The following TNFRSF10A variants were observed in gnomAD, a reference collection of about 807,000 sequenced individuals.
TNFRSF10A encodes the protein TNF receptor superfamily member 10a.
Under a neutral mutation model 42.8 loss-of-function variants are expected in TNFRSF10A, and 44 were observed. That is an observed-to-expected ratio of 1.03 (90% CI 0.81 to 1.32). The LOEUF (loss-of-function observed/expected upper bound fraction) is 1.32, where lower values mean the gene tolerates loss of function less well. TNFRSF10A is among the 40% of genes most tolerant of loss of function. TNFRSF10A has a pLI of 0.00. For missense variants in TNFRSF10A, 680 were observed against 602.0 expected (o/e 1.13, Z -1.36); for synonymous variants, 259 against 234.2 (o/e 1.11, Z -0.97).
At chr8:23,213,979 A>G (rs1388641942) in intron 1 of TNFRSF10A, among the ~76,000 whole-genome samples, 1 of 151,864 alleles carries the variant, frequency 6.6e-6, no homozygotes, top group Non-Finnish European at 1.5e-5. Flanking sequence ...TTACATGGAT[A>G]AGTTCTTTAG....
In TNFRSF10A at chr8:23,191,760, G is replaced by A; in HGVS notation, c.1341C>T (p.Leu447=). The A allele has an allele frequency of 7.4e-6, 12 of 1,614,180 alleles. No homozygotes were observed. Among genetic ancestry groups the A allele is most frequent in the Non-Finnish European group, 1.0e-5 (12 of 1,180,040 alleles). ...ERHAREKIQD[L]LVDSGKFIYL... ...AGATGAACTTTCCAGAGTCCACCAAGAGGTCCTGAATCTTCTCTCTTGCAT... is the reference window on the plus strand; with the variant it reads ...AGATGAACTTTCCAGAGTCCACCAAAAGGTCCTGAATCTTCTCTCTTGCAT... The change falls in exon 10 of 10, where the codon CTC becomes CTT. Residue 447 remains leucine (L), a synonymous_variant. Coordinates refer to ENST00000221132, the MANE Select transcript of TNFRSF10A (RefSeq NM_003844.4).
At chr8:23,201,316 G>A (rs1356798079) in intron 4 of TNFRSF10A, among the ~76,000 whole-genome samples, 1 of 152,164 alleles carries the variant, frequency 6.6e-6, no homozygotes, top group Non-Finnish European at 1.5e-5. Flanking sequence ...ATGGGAACTT[G>A]AAGGAGCTCC....
In TNFRSF10A at chr8:23,224,752, T is replaced by C; in HGVS notation, c.306+4A>G. 1.3e-6 allele frequency: 2 copies of C among 1,562,102 alleles called. No individual in the cohort carries two copies. Among genetic ancestry groups the C allele is most frequent in the South Asian group, 2.4e-5 (2 of 85,000 alleles). On this transcript the variant is annotated splice_donor_region_variant and intron_variant, in intron 1 of 9. Transcript: ENST00000221132. The stretch of plus-strand genomic sequence containing the variant: ...CCCCAGGCAGGACCGCGGTGGGGAC[T>C]CACCTGCAGCAGGACCCCGACGACG...
At position 23,190,539 on chromosome 8, in the gene TNFRSF10A, TATATA is replaced by T. The variant is rs1800741608; in HGVS notation, c.*1150_*1154del. 6.6e-6 allele frequency: 1 copy of T among 152,226 alleles called. No homozygotes were observed. Among genetic ancestry groups the T allele is most frequent in the South Asian group, 2.1e-4 (1 of 4,832 alleles). 9.4% of individuals were successfully genotyped at this position (152,226 alleles called of 1,614,324 possible). The stretch of plus-strand genomic sequence containing the variant: ...TGCCCCCGCCAAAAAAAAGTACTTT[TATATA>T]CAAAAGTCCAAATTTCCAAAGGTAT... On this transcript the variant is annotated 3_prime_UTR_variant, in exon 10 of 10. Transcript: ENST00000221132.
intron 8 of TNFRSF10A, 88 bp from the exon 9 acceptor site, chr8:23,197,292 T>C: frequency 6.7e-7 from 1 of 1,490,582 alleles, no homozygotes; most frequent in Non-Finnish European, 9.4e-7. Context: ...CCCGGAAACC[T>C]GCAGCACATC....
intron 9 of TNFRSF10A, among the ~76,000 whole-genome samples, chr8:23,195,345 C>A (rs577903541): frequency 6.6e-5 from 10 of 152,096 alleles, no homozygotes; most frequent in East Asian, 5.8e-4. Context: ...GAACTTTTTT[C>A]TTCTTTGCTA....
chr8:23,224,299 C>T (rs1238858530), intron 1 of TNFRSF10A: 15 of 101,608 alleles, frequency 1.5e-4, no homozygotes, highest in Non-Finnish European at 1.8e-4. Context: ...GACTCCGTTT[C>T]AAAAAAAAAA....
Position 23,223,461 on chromosome 8 carries a change from C to A in TNFRSF10A, c.306+1295G>T, listed in dbSNP as rs183236954. On this transcript the variant is annotated intron_variant, in intron 1 of 9. Transcript: ENST00000221132. ...TTGTCTATACAGGTGAGCCCTACAT[C>A]CACCTGGAATCGCACTAGCCTGTCA... Among the ~76,000 whole-genome samples the A allele has an allele frequency of 1.5e-3, 234 of 152,330 alleles. 1 individual carries two copies. Among genetic ancestry groups the A allele is most frequent in the African/African-American group, 5.4e-3 (226 of 41,574 alleles).
intron 9 of TNFRSF10A, among the ~76,000 whole-genome samples, chr8:23,195,640 T>G (rs1160228418): frequency 6.6e-6 from 1 of 152,242 alleles, no homozygotes; most frequent in Non-Finnish European, 1.5e-5. Context: ...TGATTTTTGC[T>G]GCACTTTGTG....
At chr8:23,217,207 T>C (rs1361121982) in intron 1 of TNFRSF10A, among the ~76,000 whole-genome samples, 3 of 152,112 alleles carry the variant, frequency 2.0e-5, no homozygotes, top group Non-Finnish European at 4.4e-5. Flanking sequence ...TTATGCCTTC[T>C]GATGAATTCA....
At chr8:23,200,635 C>T in intron 5 of TNFRSF10A, 35 bp from the exon 6 acceptor site, 5 of 1,614,128 alleles carry the variant, frequency 3.1e-6, no homozygotes, top group Admixed American at 1.7e-5. Flanking sequence ...GAGTCTCGGG[C>T]TGCTGGTCCC....
chr8:23,199,777 AC>A, intron 7 of TNFRSF10A, 108 bp downstream of exon 7: 1 of 1,465,632 alleles, frequency 6.8e-7, no homozygotes, highest in Non-Finnish European at 9.5e-7. Context: ...CACTTCAGAG[AC>A]TCAGGGCAGC....
intron 6 of TNFRSF10A, among the ~76,000 whole-genome samples, chr8:23,200,198 G>A (rs905103233): frequency 2.6e-5 from 4 of 152,188 alleles, no homozygotes; most frequent in African/African-American, 9.7e-5. Flanking sequence ...TTCTCGTCTC[G>A]ACTCTTGTCA....
chr8:23,200,039 T>A (rs113391861), intron 6 of TNFRSF10A, 122 bp from the exon 7 acceptor site: 13,955 of 1,238,288 alleles, frequency 0.011, 102 homozygotes, highest in Non-Finnish European at 0.014. Context: ...TCCCCGGGCC[T>A]GGGGATCCAC....
chr8:23,203,126 T>C (rs977116997), intron 2 of TNFRSF10A, among the ~76,000 whole-genome samples: 4 of 152,214 alleles, frequency 2.6e-5, no homozygotes, highest in African/African-American at 9.6e-5. Flanking sequence ...TTTTGAATAC[T>C]AAGTGTTCGA....
chr8:23,191,462 T>A lies in TNFRSF10A; in HGVS notation c.*232A>T, dbSNP rs1800751536. 3 of 611,434 alleles carry A rather than the reference T, an allele frequency of 4.9e-6. No homozygotes were observed. The highest frequency in any genetic ancestry group is 1.8e-5 in the African/African-American group (1 of 54,066). The allele number at this position is 611,434 out of a possible 1,614,324, so 37.9% of individuals were successfully genotyped here. A position where few individuals can be genotyped will look rare whatever the true frequency, so the allele number is the denominator to read the frequency against. On this transcript the variant is annotated 3_prime_UTR_variant, in exon 10 of 10. Transcript: ENST00000221132. ...TATATGCACACACCATCACATCCAG[T>A]TAATTTTTGTATTTTTTTGTAAAGA...
chr8:23,199,230 C>G, intron 8 of TNFRSF10A, 36 bp downstream of exon 8: 1 of 1,592,548 alleles, frequency 6.3e-7, no homozygotes, highest in Non-Finnish European at 8.6e-7. Flanking sequence ...TCACCCCCTG[C>G]CTACAAGGTC....
chr8:23,224,704 C>G (rs929283884), intron 1 of TNFRSF10A, 52 bp downstream of exon 1: 1 of 1,529,296 alleles, frequency 6.5e-7, no homozygotes, highest in Non-Finnish European at 8.8e-7. Flanking sequence ...TCTCTGCCCC[C>G]TCCCGGTGCC....
At chr8:23,219,331 C>T (rs1439033405) in intron 1 of TNFRSF10A, among the ~76,000 whole-genome samples, 7 of 147,830 alleles carry the variant, frequency 4.7e-5, no homozygotes, top group African/African-American at 1.2e-4. Flanking sequence ...CTCACCGCCT[C>T]AGGTCACAGG....
Sources: allele counts gnomAD v4.1 joint callset (sites outside exome capture counted in the v4.1 genomes callset), GRCh38; gene constraint gnomAD v4.1.1; transcripts MANE v1.5; gene names NCBI Gene and HGNC (gene_info 2026-07-23, HGNC 2026-07-21).